CRLF2: variants seen among roughly 807,000 people sequenced by gnomAD.
CRLF2 encodes cytokine receptor like factor 2, also known as cytokine receptor-like factor 2.
CRLF2 carries 41 observed loss-of-function variants against 38.7 expected under a neutral mutation model. That is an observed-to-expected ratio of 1.06 (90% CI 0.83 to 1.37). The LOEUF (loss-of-function observed/expected upper bound fraction) is 1.37, where lower values mean the gene tolerates loss of function less well. Ranked by LOEUF, CRLF2 falls within the 40% of genes most tolerant of loss-of-function variation. The pLI is 0.00. For missense variants in CRLF2, 377 were observed against 322.2 expected, an observed-to-expected ratio of 1.17 and a Z score of -1.30; for synonymous variants, 140 against 128.8, an observed-to-expected ratio of 1.09 and a Z score of -0.59.
chrX:1,209,259 G>A (rs1246863659), intron 1 of CRLF2, among the ~76,000 whole-genome samples: 4 of 149,648 alleles, frequency 2.7e-5, no homozygotes, highest in Non-Finnish European at 4.4e-5. Flanking sequence ...GAGCCACCGC[G>A]CCTGACGTAT....
rs2147814979 is a variant in CRLF2, at chrX:1,190,677, A to G, written c.*220T>C. The G allele has an allele frequency of 2.5e-6, 1 of 397,276 alleles. No individual in the cohort carries two copies. Among genetic ancestry groups the G allele is most frequent in the East Asian group, 3.6e-5 (1 of 28,030 alleles). 24.6% of individuals were successfully genotyped at this position (397,276 alleles called of 1,614,324 possible). ...AAATCTCCTGGAGCAATTGGCTCCCATCTGCCATCAAGCCTTTGAACACAG... is the reference window on the plus strand; with the variant it reads ...AAATCTCCTGGAGCAATTGGCTCCCGTCTGCCATCAAGCCTTTGAACACAG... On this transcript the variant is annotated 3_prime_UTR_variant, in exon 8 of 8. Coordinates refer to ENST00000400841, the MANE Select transcript of CRLF2 (RefSeq NM_022148.4).
chrX:1,202,630 C>A (rs1347899215), intron 3 of CRLF2, 95 bp from the exon 4 acceptor site: 26 of 1,346,232 alleles, frequency 1.9e-5, no homozygotes, highest in Non-Finnish European at 2.3e-5. Context: ...TACCCCTCCT[C>A]CCCTTAATAC....
At chrX:1,207,562 C>G (rs2086715176) in intron 2 of CRLF2, among the ~76,000 whole-genome samples, 2 of 139,860 alleles carry the variant, frequency 1.4e-5, no homozygotes, top group Non-Finnish European at 3.0e-5. Flanking sequence ...ACACCCCCCC[C>G]AAGAACTGCC....
At chrX:1,203,743 C>T (rs1328275811) in intron 3 of CRLF2, among the ~76,000 whole-genome samples, 3 of 152,146 alleles carry the variant, frequency 2.0e-5, no homozygotes, top group Non-Finnish European at 4.4e-5. Flanking sequence ...CCATCTCAGA[C>T]TCATGGGCTT....
chrX:1,212,498 G>C lies in CRLF2; in HGVS notation c.79+58C>G, dbSNP rs755779511. 3.2e-5 allele frequency: 37 copies of C among 1,173,168 alleles called. No homozygotes were observed. The South Asian group carries it at 4.4e-4, about 14-fold the overall frequency. 72.7% of individuals were successfully genotyped at this position (1,173,168 alleles called of 1,614,324 possible). ...AAGTTTTACAAAATAAAGAGTGCCTGGTTGCAAAGCAAACCACAAACCAAA... is the reference window on the plus strand; with the variant it reads ...AAGTTTTACAAAATAAAGAGTGCCTCGTTGCAAAGCAAACCACAAACCAAA... On this transcript the variant is annotated intron_variant, in intron 1 of 7. Transcript: ENST00000400841.
At position 1,206,553 on chromosome X, in the gene CRLF2, G is replaced by A; in HGVS notation, c.229C>T (p.Gln77Ter). ...AYDQCTNYLL[Q>*]EGHTSGCLLD... Reference sequence around the variant, plus strand: ...AGGCACCCCGAAGTGTGACCTTCCTGGAGAAGGTAGTTGGTGCACTGGTCA... The same window carrying A: ...AGGCACCCCGAAGTGTGACCTTCCTAGAGAAGGTAGTTGGTGCACTGGTCA... Residue 77 changes from glutamine to a stop codon, truncating the protein, a stop_gained, in exon 3 of 8, where the codon CAG becomes TAG. Coordinates refer to ENST00000400841, the MANE Select transcript of CRLF2 (RefSeq NM_022148.4). LOFTEE classifies it high-confidence loss of function. 5 of 1,613,008 alleles carry A rather than the reference G, an allele frequency of 3.1e-6. No homozygotes were observed. Among genetic ancestry groups the A allele is most frequent in the Non-Finnish European group, 3.4e-6 (4 of 1,179,022 alleles).
chrX:1,204,695 T>A (rs779317916), intron 3 of CRLF2, among the ~76,000 whole-genome samples: 83 of 149,768 alleles, frequency 5.5e-4, no homozygotes, highest in South Asian at 5.1e-3. Flanking sequence ...TAATTTTTTT[T>A]AAATTATTTT....
intron 2 of CRLF2, among the ~76,000 whole-genome samples, chrX:1,207,509 C>A (rs755589466): frequency 0.013 from 1,615 of 123,042 alleles, 53 homozygotes; most frequent in East Asian, 0.11. Flanking sequence ...CCACCCCCCC[C>A]CCCCTCAGCC....
At position 1,204,096 on chromosome X, in the gene CRLF2, A is replaced by AAAAAAAAG. The variant is rs370190016; in HGVS notation, c.350-1562_350-1561insCTTTTTTT. On this transcript the variant is annotated intron_variant, in intron 3 of 7. Transcript: ENST00000400841. ...GAGCAAGACCCTCTCTCTCAAAAAA[A>AAAAAAAAG]AGAGAGAACATCCAGTGAGTGGGAT... is the stretch of plus-strand genomic sequence containing the variant. 1.1e-4 allele frequency among the ~76,000 whole-genome samples: 15 copies of AAAAAAAAG among 133,442 alleles called. 4 individuals carry two copies. The highest frequency in any genetic ancestry group is 7.1e-3 in the Middle Eastern group (2 of 280). The allele number at this position is 133,442 out of a possible 152,430, so 87.5% of individuals were successfully genotyped here.
intron 2 of CRLF2, among the ~76,000 whole-genome samples, chrX:1,206,995 G>C (rs2086702012): frequency 6.8e-6 from 1 of 147,460 alleles, no homozygotes; most frequent in Non-Finnish European, 1.5e-5. Flanking sequence ...CCTGAGGCTG[G>C]AGTGCAGTGG....
chrX:1,207,044 C>G (rs2086703226), intron 2 of CRLF2, among the ~76,000 whole-genome samples: 1 of 149,562 alleles, frequency 6.7e-6, no homozygotes, highest in Admixed American at 6.7e-5. Flanking sequence ...CTCCCGGGTT[C>G]AAGCGATTCT....
chrX:1,202,170 A>G (rs181450859), intron 4 of CRLF2, among the ~76,000 whole-genome samples: 14 of 152,082 alleles, frequency 9.2e-5, no homozygotes, highest in African/African-American at 3.4e-4. Context: ...AGATTGATAG[A>G]CAGACAGACA....
Position 1,212,607 on chromosome X carries a change from C to G in CRLF2, c.28G>C (p.Ala10Pro), listed in dbSNP as rs1419959344. ...CAGCCTCCCAGCAGAAAGACGGCAG[C>G]TCCCCACAGCAGAACCAGCCGCCCC... MGRLVLLWG[A>P]AVFLLGGWMA... Residue 10 changes from alanine (A) to proline (P), a missense_variant, in exon 1 of 8, where the codon GCT (alanine) becomes CCT (proline). Ala to Pro is a conservative substitution (Grantham distance 27). Transcript: ENST00000400841. 3 of 1,612,644 alleles carry G rather than the reference C, an allele frequency of 1.9e-6. No individual in the cohort carries two copies. Among genetic ancestry groups the G allele is most frequent in the African/African-American group, 2.7e-5 (2 of 74,714 alleles).
intron 4 of CRLF2, among the ~76,000 whole-genome samples, chrX:1,200,236 G>T (rs1319559878): frequency 1.3e-5 from 2 of 151,448 alleles, no homozygotes; most frequent in Admixed American, 6.6e-5. Flanking sequence ...GTATACGTGT[G>T]TATAAATATG....
At chrX:1,193,387 C>G (rs2086427076) in intron 6 of CRLF2, 85 bp from the exon 7 acceptor site, 1 of 398,114 alleles carries the variant, frequency 2.5e-6, no homozygotes, top group Non-Finnish European at 4.4e-6. Context: ...GCATGGACCC[C>G]AGGGACAGAC....
At chrX:1,193,479 T>TA (rs1325101988) in intron 6 of CRLF2, among the ~76,000 whole-genome samples, 177 bp from the exon 7 acceptor site, 1 of 151,954 alleles carries the variant, frequency 6.6e-6, no homozygotes, top group Non-Finnish European at 1.5e-5. Flanking sequence ...GGGGTCCTCA[T>TA]AAAGTTCCCA....
At chrX:1,209,900 G>A (rs1309008865) in intron 1 of CRLF2, among the ~76,000 whole-genome samples, 7 of 151,602 alleles carry the variant, frequency 4.6e-5, no homozygotes, top group African/African-American at 1.7e-4. Flanking sequence ...TCAGGAGTTC[G>A]AGACCAGCCT....
chrX:1,198,783 A>ACACACACACACACACAC (rs1569469267), intron 4 of CRLF2, 59 bp from the exon 5 acceptor site: 1 of 1,344,596 alleles, frequency 7.4e-7, no homozygotes, highest in Non-Finnish European at 1.0e-6. Flanking sequence ...ACACACACAC[A>ACACACACACACACACAC]ATGATTAGTG....
chrX:1,197,892 C>T (rs2086517854), intron 5 of CRLF2, among the ~76,000 whole-genome samples: 1 of 151,904 alleles, frequency 6.6e-6, no homozygotes. Flanking sequence ...ATCCCAGGCA[C>T]TCGGGAGGCT....
Sources: allele counts gnomAD v4.1 joint callset (sites outside exome capture counted in the v4.1 genomes callset), GRCh38; gene constraint gnomAD v4.1.1; transcripts MANE v1.5; gene names NCBI Gene and HGNC (gene_info 2026-07-23, HGNC 2026-07-21).